Variants in RAP1A observed in about 807,000 individuals in gnomAD.
RAP1A encodes ras-related protein Rap-1A.
A neutral mutation model predicts 26.4 loss-of-function variants in RAP1A; 6 were observed. That is an observed-to-expected ratio of 0.23 (90% CI 0.12 to 0.45). The LOEUF is 0.45. Ranked by LOEUF, RAP1A falls within the 20% of genes least tolerant of loss-of-function variation. RAP1A has a pLI of 0.99. For synonymous variants in RAP1A, 73 were observed against 79.4 expected (o/e 0.92, Z 0.43); for missense variants, 121 against 217.2 (o/e 0.56, Z 2.78).
At chr1:111,668,911 T>A (rs373034733) in intron 1 of RAP1A, among the ~76,000 whole-genome samples, 101 of 151,486 alleles carry the variant, frequency 6.7e-4, no homozygotes, top group African/African-American at 2.3e-3. Context: ...GTGCCTGTAG[T>A]CCCAGCTACT....
intron 1 of RAP1A, among the ~76,000 whole-genome samples, chr1:111,575,412 C>T (rs989724370): frequency 3.9e-5 from 6 of 152,208 alleles, no homozygotes; most frequent in African/African-American, 1.4e-4. Flanking sequence ...CTCAGCCTTC[C>T]AAAGTGCTGG....
intron 1 of RAP1A, among the ~76,000 whole-genome samples, chr1:111,671,964 C>A (rs1183611547): frequency 6.6e-6 from 1 of 152,156 alleles, no homozygotes; most frequent in Non-Finnish European, 1.5e-5. Context: ...AAATTACACT[C>A]TGTATGATTT....
intron 1 of RAP1A, among the ~76,000 whole-genome samples, chr1:111,687,141 AT>A (rs1297759355): frequency 1.4e-5 from 2 of 146,666 alleles, no homozygotes; most frequent in East Asian, 2.0e-4. Context: ...TATTTGTCCC[AT>A]TTTTTTCTTT....
intron 1 of RAP1A, among the ~76,000 whole-genome samples, chr1:111,665,780 T>G (rs754111632): frequency 5.3e-5 from 8 of 152,312 alleles, no homozygotes; most frequent in Non-Finnish European, 1.2e-4. Flanking sequence ...TTGGATACTG[T>G]GATATTCCCC....
chr1:111,699,196 T>C (rs1490774025), intron 4 of RAP1A, among the ~76,000 whole-genome samples: 1 of 152,196 alleles, frequency 6.6e-6, no homozygotes, highest in Admixed American at 6.5e-5. Flanking sequence ...TGAAGATTTT[T>C]GCTTTCTCTC....
At chr1:111,602,388 T>C (rs748045037) in intron 1 of RAP1A, 1 of 152,244 alleles carries the variant, frequency 6.6e-6, no homozygotes, top group Non-Finnish European at 1.5e-5. Context: ...AATATCTACA[T>C]AGTAGGGGCT....
chr1:111,572,236 A>C (rs1489458536), intron 1 of RAP1A, among the ~76,000 whole-genome samples: 3 of 152,252 alleles, frequency 2.0e-5, no homozygotes, highest in Non-Finnish European at 2.9e-5. Context: ...AGGCTCTTGC[A>C]TTAAAAGGCA....
chr1:111,586,065 T>C (rs147813750), intron 1 of RAP1A, among the ~76,000 whole-genome samples: 4 of 152,366 alleles, frequency 2.6e-5, no homozygotes, highest in African/African-American at 9.6e-5. Flanking sequence ...CATAAAACTC[T>C]TGATTCTTGT....
intron 1 of RAP1A, among the ~76,000 whole-genome samples, chr1:111,659,345 C>CT (rs1333576743): frequency 6.6e-6 from 1 of 152,086 alleles, no homozygotes. Flanking sequence ...AAAGTAGTCT[C>CT]TCTCTCTCAA....
intron 1 of RAP1A, among the ~76,000 whole-genome samples, chr1:111,553,542 G>T (rs969620132): frequency 4.6e-5 from 7 of 152,072 alleles, no homozygotes; most frequent in East Asian, 1.9e-4. Flanking sequence ...ACTTCTAGCC[G>T]GTATGCTGTT....
intron 1 of RAP1A, among the ~76,000 whole-genome samples, chr1:111,577,563 T>G (rs1215916929): frequency 1.3e-5 from 2 of 152,052 alleles, no homozygotes; most frequent in Non-Finnish European, 2.9e-5. Flanking sequence ...ATAAACAGAT[T>G]TTTTTAGGGC....
chr1:111,550,925 T>A (rs1056906040), intron 1 of RAP1A, among the ~76,000 whole-genome samples: 10 of 152,368 alleles, frequency 6.6e-5, no homozygotes, highest in Non-Finnish European at 1.3e-4. Context: ...GATGTGTACA[T>A]GTTTATCATT....
At chr1:111,594,860 C>T (rs1228149750) in intron 1 of RAP1A, among the ~76,000 whole-genome samples, 3 of 152,102 alleles carry the variant, frequency 2.0e-5, no homozygotes, top group South Asian at 2.1e-4. Context: ...AAACAATACA[C>T]GATTCTTATA....
intron 6 of RAP1A, among the ~76,000 whole-genome samples, chr1:111,708,179 AAAAC>A (rs772307973): frequency 1.3e-4 from 20 of 152,226 alleles, no homozygotes; most frequent in African/African-American, 4.6e-4. Context: ...GTCTCAAAAC[AAAAC>A]AAACAAACTA....
At chr1:111,712,140 A>G (rs1038820984) in intron 7 of RAP1A, among the ~76,000 whole-genome samples, 5 of 152,152 alleles carry the variant, frequency 3.3e-5, no homozygotes, top group Non-Finnish European at 5.9e-5. Context: ...GGATTGTCAG[A>G]TGTAATGGGA....
intron 1 of RAP1A, among the ~76,000 whole-genome samples, chr1:111,553,236 G>C (rs1026928277): frequency 6.6e-6 from 1 of 152,190 alleles, no homozygotes; most frequent in Non-Finnish European, 1.5e-5. Context: ...CAAGGCAAAG[G>C]CCAGGCAGGT....
At chr1:111,691,042 G>T (rs906894716) in intron 1 of RAP1A, among the ~76,000 whole-genome samples, 1 of 152,138 alleles carries the variant, frequency 6.6e-6, no homozygotes, top group African/African-American at 2.4e-5. Context: ...GTAGTCATAA[G>T]GTTATCAACT....
At chr1:111,612,013 GT>G (rs36008061) in intron 1 of RAP1A, among the ~76,000 whole-genome samples, 77,597 of 144,084 alleles carry the variant, frequency 0.54, 20,335 homozygotes, top group Middle Eastern at 0.64. Context: ...ACGTGCTTGA[GT>G]TTTTTTTTTT....
intron 4 of RAP1A, among the ~76,000 whole-genome samples, chr1:111,702,227 C>A (rs1337110280): frequency 6.6e-6 from 1 of 152,104 alleles, no homozygotes; most frequent in African/African-American, 2.4e-5. Context: ...GTAAAAAGAT[C>A]CAAACTGTAT....
Sources: allele counts gnomAD v4.1 joint callset (sites outside exome capture counted in the v4.1 genomes callset), GRCh38; gene constraint gnomAD v4.1.1; transcripts MANE v1.5; gene names NCBI Gene and HGNC (gene_info 2026-07-23, HGNC 2026-07-21).